The following MTPN variants were observed in gnomAD, a reference collection of about 807,000 sequenced individuals.
MTPN encodes the protein granule cell differentiation protein.
In MTPN, 2 loss-of-function variants were observed where a neutral mutation model predicts 13.5. The ratio of observed to expected loss-of-function variants is 0.15; its 90% confidence interval spans 0.06 to 0.47. The LOEUF is 0.47. Ranked by LOEUF, MTPN falls within the 20% of genes least tolerant of loss-of-function variation. The pLI, the probability that MTPN is intolerant of heterozygous loss-of-function variation, is 0.97. For synonymous variants in MTPN, 46 were observed against 51.7 expected, an observed-to-expected ratio of 0.89 and a Z score of 0.48; for missense variants, 79 against 137.9, an observed-to-expected ratio of 0.57 and a Z score of 2.14.
At chr7:135,973,321 T>C (rs952935866) in intron 1 of MTPN, among the ~76,000 whole-genome samples, 2 of 148,670 alleles carry the variant, frequency 1.3e-5, no homozygotes, top group Non-Finnish European at 3.0e-5. Flanking sequence ...TGATCTAAAG[T>C]AGTAAGAAGA....
chr7:135,929,418 C>A lies in MTPN; in HGVS notation c.*508G>T. The A allele has an allele frequency of 5.9e-6, 1 of 168,204 alleles. No individual in the cohort carries two copies. 10.4% of individuals were successfully genotyped at this position (168,204 alleles called of 1,614,324 possible). ...ATTTGGTCACCAACCTTATAGGCAG[C>A]GCTCTTAACTATGCCAGGAAATCCC... On this transcript the variant is annotated 3_prime_UTR_variant, in exon 4 of 4. Coordinates refer to ENST00000393085, the MANE Select transcript of MTPN (RefSeq NM_145808.4).
At chr7:135,971,423 T>C (rs1799692235) in intron 1 of MTPN, among the ~76,000 whole-genome samples, 2 of 151,804 alleles carry the variant, frequency 1.3e-5, no homozygotes, top group South Asian at 4.1e-4. Context: ...CATCCTGCTA[T>C]GATTATTTTT....
intron 1 of MTPN, among the ~76,000 whole-genome samples, chr7:135,952,716 C>A (rs980973192): frequency 1.3e-5 from 2 of 152,182 alleles, no homozygotes. Flanking sequence ...AATCCCAGCA[C>A]TTTGGGAGGC....
chr7:135,961,530 T>C (rs544468421), intron 1 of MTPN, among the ~76,000 whole-genome samples: 3 of 152,072 alleles, frequency 2.0e-5, no homozygotes, highest in African/African-American at 7.2e-5. Flanking sequence ...TACCTTTTTT[T>C]TTTTCTTTCT....
intron 1 of MTPN, among the ~76,000 whole-genome samples, chr7:135,957,367 G>A (rs538823126): frequency 6.6e-6 from 1 of 152,058 alleles, no homozygotes; most frequent in South Asian, 2.1e-4. Flanking sequence ...ATAGTGGAAA[G>A]GAGAAAGTCT....
intron 3 of MTPN, among the ~76,000 whole-genome samples, chr7:135,945,802 G>A (rs914079425): frequency 6.6e-6 from 1 of 151,986 alleles, no homozygotes; most frequent in Non-Finnish European, 1.5e-5. Context: ...TCATTACCAA[G>A]CATTATGTAT....
chr7:135,965,948 T>G (rs1288370330), intron 1 of MTPN, among the ~76,000 whole-genome samples: 1 of 152,068 alleles, frequency 6.6e-6, no homozygotes, highest in East Asian at 1.9e-4. Context: ...TAACAGGCAA[T>G]GTGATAACTG....
At chr7:135,936,651 A>T (rs1452474040) in intron 3 of MTPN, among the ~76,000 whole-genome samples, 1 of 152,182 alleles carries the variant, frequency 6.6e-6, no homozygotes, top group Non-Finnish European at 1.5e-5. Context: ...TATATAACAT[A>T]CCCACTTATT....
intron 1 of MTPN, among the ~76,000 whole-genome samples, chr7:135,974,651 T>A (rs10276873): frequency 0.02 from 3,023 of 152,324 alleles, 98 homozygotes; most frequent in African/African-American, 0.07. Flanking sequence ...GGAGAGTTTT[T>A]AAAATAGACT....
At chr7:135,975,593 G>T (rs1280850052) in intron 1 of MTPN, among the ~76,000 whole-genome samples, 1 of 152,132 alleles carries the variant, frequency 6.6e-6, no homozygotes, top group Non-Finnish European at 1.5e-5. Flanking sequence ...TCAACTTTTT[G>T]TATTTCAAGT....
intron 1 of MTPN, among the ~76,000 whole-genome samples, chr7:135,969,003 A>G (rs1016634567): frequency 6.8e-6 from 1 of 147,312 alleles, no homozygotes; most frequent in African/African-American, 2.5e-5. Flanking sequence ...ACATTGTTCA[A>G]TTCCCACCTA....
chr7:135,967,623 T>C (rs1289584317), intron 1 of MTPN, among the ~76,000 whole-genome samples: 1 of 152,172 alleles, frequency 6.6e-6, no homozygotes, highest in African/African-American at 2.4e-5. Context: ...GTAAGTAATC[T>C]TGCTTCTAAA....
In MTPN at chr7:135,977,293, T is replaced by G. The variant is rs918861701; in HGVS notation, c.-193A>C. 6.5e-6 allele frequency: 4 copies of G among 616,656 alleles called. No individual in the cohort carries two copies. In the African/African-American group the frequency reaches 7.4e-5, roughly 11 times the overall value. The allele number at this position is 616,656 out of a possible 1,614,324, so 38.2% of individuals were successfully genotyped here. The stretch of plus-strand genomic sequence containing the variant: ...CGTTCGGGCGGGAGAAAGAAAGTTC[T>G]TTTGCGGCCACCGGGCCCAGCAGAG... On this transcript the variant is annotated 5_prime_UTR_variant, in exon 1 of 4. Coordinates refer to ENST00000393085, the MANE Select transcript of MTPN (RefSeq NM_145808.4).
intron 1 of MTPN, among the ~76,000 whole-genome samples, chr7:135,962,290 A>T (rs1279523108): frequency 6.6e-6 from 1 of 151,896 alleles, no homozygotes; most frequent in South Asian, 2.1e-4. Flanking sequence ...CGTTAGCACA[A>T]AGTAAACATA....
intron 3 of MTPN, among the ~76,000 whole-genome samples, chr7:135,948,376 C>T (rs189311814): frequency 2.0e-5 from 3 of 152,220 alleles, no homozygotes; most frequent in Middle Eastern, 3.4e-3. Flanking sequence ...CGGTCTGCTA[C>T]CAACATAGCT....
chr7:135,949,821 C>T (rs1408884939), intron 3 of MTPN, among the ~76,000 whole-genome samples: 1 of 152,176 alleles, frequency 6.6e-6, no homozygotes, highest in Non-Finnish European at 1.5e-5. Context: ...TATACATCTA[C>T]TCATTTCTGT....
chr7:135,927,767 AG>A lies in MTPN; in HGVS notation c.*2158del, dbSNP rs1380463037. ...GTTTACAAAAAGGTCGAGAAAGAAA[AG>A]CGAAGGCGAAATAGCCTCTACTGCA... On this transcript the variant is annotated 3_prime_UTR_variant, in exon 4 of 4. Coordinates refer to ENST00000393085, the MANE Select transcript of MTPN (RefSeq NM_145808.4). 1 of 464,206 alleles carries A rather than the reference AG, an allele frequency of 2.2e-6. No individual in the cohort carries two copies. The highest frequency in any genetic ancestry group is 4.4e-6 in the Non-Finnish European group (1 of 227,942). The allele number at this position is 464,206 out of a possible 1,614,324, so 28.8% of individuals were successfully genotyped here. A position where few individuals can be genotyped will look rare whatever the true frequency, so the allele number is the denominator to read the frequency against.
chr7:135,947,144 A>T (rs949457063), intron 3 of MTPN, among the ~76,000 whole-genome samples: 1 of 152,164 alleles, frequency 6.6e-6, no homozygotes, highest in Non-Finnish European at 1.5e-5. Flanking sequence ...TCACATACTA[A>T]TTCACACTAA....
At chr7:135,966,939 C>T (rs1187784518) in intron 1 of MTPN, among the ~76,000 whole-genome samples, 1 of 152,136 alleles carries the variant, frequency 6.6e-6, no homozygotes, top group Non-Finnish European at 1.5e-5. Context: ...ACTATAAGCA[C>T]TGTAGCTTAA....
Sources: allele counts gnomAD v4.1 joint callset (sites outside exome capture counted in the v4.1 genomes callset), GRCh38; gene constraint gnomAD v4.1.1; transcripts MANE v1.5; gene names NCBI Gene and HGNC (gene_info 2026-07-23, HGNC 2026-07-21).